The following ADAMTSL1 variants were observed in gnomAD, a reference collection of about 807,000 sequenced individuals.
The protein encoded by ADAMTSL1 is ADAMTS like 1.
Under a neutral mutation model 201.8 loss-of-function variants are expected in ADAMTSL1, and 126 were observed. That is an observed-to-expected ratio of 0.62 (90% CI 0.54 to 0.72). ADAMTSL1 has a LOEUF of 0.72. Among genes scored for constraint, ADAMTSL1 ranks in the 30% least tolerant of loss-of-function variants. ADAMTSL1 has a pLI of 0.00. For synonymous variants in ADAMTSL1, 1,121 were observed against 903.4 expected, an observed-to-expected ratio of 1.24 and a Z score of -4.32; for missense variants, 2,679 against 2,277.8, an observed-to-expected ratio of 1.18 and a Z score of -3.59.
At chr9:18,248,112 T>C (rs564074588) in intron 2 of ADAMTSL1, among the ~76,000 whole-genome samples, 4 of 152,296 alleles carry the variant, frequency 2.6e-5, no homozygotes, top group South Asian at 2.1e-4. Flanking sequence ...CTCAGCTTAA[T>C]TGAATGTAAA....
At chr9:17,977,365 TCAAAAAGA>T (rs2131451298) in intron 1 of ADAMTSL1, among the ~76,000 whole-genome samples, 1 of 152,252 alleles carries the variant, frequency 6.6e-6, no homozygotes. Context: ...AATTCATTCT[TCAAAAAGA>T]TTTTGAGAAG....
chr9:18,099,355 A>T (rs1021695451), intron 1 of ADAMTSL1, among the ~76,000 whole-genome samples: 1,916 of 45,426 alleles, frequency 0.042, 96 homozygotes, highest in Admixed American at 0.082. Flanking sequence ...ATATATATAT[A>T]TTTTTTTTTT....
At chr9:18,439,234 T>C (rs1477695534) in intron 2 of ADAMTSL1, among the ~76,000 whole-genome samples, 1 of 152,190 alleles carries the variant, frequency 6.6e-6, no homozygotes, top group Non-Finnish European at 1.5e-5. Flanking sequence ...TCATTTTCCT[T>C]TCATGTGTTC....
intron 2 of ADAMTSL1, among the ~76,000 whole-genome samples, chr9:18,519,179 G>A (rs1013140226): frequency 5.9e-5 from 9 of 152,206 alleles, no homozygotes; most frequent in Non-Finnish European, 1.2e-4. Flanking sequence ...TAGTCTGGCT[G>A]TGTTATCGTT....
chr9:18,613,986 A>G (rs752079962), intron 4 of ADAMTSL1, among the ~76,000 whole-genome samples: 20 of 152,216 alleles, frequency 1.3e-4, no homozygotes, highest in Admixed American at 1.3e-3. Flanking sequence ...TCAAACGAAG[A>G]CTTCAAAGAG....
At chr9:18,154,634 A>C (rs1262948278) in intron 1 of ADAMTSL1, among the ~76,000 whole-genome samples, 1 of 150,508 alleles carries the variant, frequency 6.6e-6, no homozygotes, top group Non-Finnish European at 1.5e-5. Flanking sequence ...AGAGTAATAC[A>C]TAAATATATT....
intron 1 of ADAMTSL1, among the ~76,000 whole-genome samples, chr9:18,085,605 C>CAG (rs771198489): frequency 1.4e-5 from 2 of 142,676 alleles, no homozygotes; most frequent in Admixed American, 6.8e-5. Flanking sequence ...CGTATATACA[C>CAG]TGTGTGTGTA....
intron 3 of ADAMTSL1, among the ~76,000 whole-genome samples, chr9:18,537,982 G>GGAA (rs1564028232): frequency 7.9e-5 from 11 of 139,146 alleles, no homozygotes; most frequent in Non-Finnish European, 1.4e-4. Context: ...AAGAAGAGGA[G>GGAA]GAAGAGGAAG....
chr9:18,755,817 A>G (rs1209144367), intron 16 of ADAMTSL1, among the ~76,000 whole-genome samples: 2 of 152,028 alleles, frequency 1.3e-5, no homozygotes, highest in African/African-American at 4.8e-5. Flanking sequence ...GTTTAAGTTC[A>G]TTCTTCAGGT....
At chr9:18,359,838 C>CG (rs1197856227) in intron 2 of ADAMTSL1, among the ~76,000 whole-genome samples, 1 of 127,670 alleles carries the variant, frequency 7.8e-6, no homozygotes, top group Non-Finnish European at 1.7e-5. Flanking sequence ...CCCCCCCGCC[C>CG]ACACAAAATG....
At chr9:18,629,545 T>C (rs757082445) in intron 5 of ADAMTSL1, among the ~76,000 whole-genome samples, 16 of 152,164 alleles carry the variant, frequency 1.1e-4, no homozygotes, top group Non-Finnish European at 2.1e-4. Context: ...ATGAATTACA[T>C]TAATTGGTTT....
At chr9:18,190,034 C>T (rs1291798654) in intron 2 of ADAMTSL1, among the ~76,000 whole-genome samples, 1 of 152,156 alleles carries the variant, frequency 6.6e-6, no homozygotes, top group Admixed American at 6.5e-5. Flanking sequence ...TGAGCCTGGT[C>T]AGGTTTCAAA....
intron 1 of ADAMTSL1, among the ~76,000 whole-genome samples, chr9:18,125,120 G>A (rs1489677188): frequency 6.6e-6 from 1 of 152,188 alleles, no homozygotes; most frequent in Non-Finnish European, 1.5e-5. Flanking sequence ...CAATTTACAA[G>A]AGAAAGAGGT....
intron 1 of ADAMTSL1, among the ~76,000 whole-genome samples, chr9:18,021,645 GTTAC>G (rs1372888717): frequency 3.3e-5 from 5 of 152,226 alleles, no homozygotes; most frequent in African/African-American, 1.2e-4. Context: ...TGGAATAAAA[GTTAC>G]TTAGTTATAT....
intron 1 of ADAMTSL1, among the ~76,000 whole-genome samples, chr9:18,013,286 T>C (rs147815762): frequency 3.9e-5 from 6 of 152,170 alleles, no homozygotes; most frequent in African/African-American, 1.4e-4. Flanking sequence ...TAACAGAAAT[T>C]TGACTTCTGC....
At chr9:18,591,963 T>C (rs542502303) in intron 4 of ADAMTSL1, among the ~76,000 whole-genome samples, 2 of 152,284 alleles carry the variant, frequency 1.3e-5, no homozygotes, top group East Asian at 1.9e-4. Context: ...GCCCAATTCA[T>C]TGACTTTTGA....
intron 2 of ADAMTSL1, among the ~76,000 whole-genome samples, chr9:18,509,560 T>A (rs921297370): frequency 6.6e-6 from 1 of 152,212 alleles, no homozygotes; most frequent in Non-Finnish European, 1.5e-5. Flanking sequence ...TGATCTAGAC[T>A]GGCTTCATCT....
At chr9:18,886,186 A>ATATATATATATG (rs1828864072) in intron 23 of ADAMTSL1, among the ~76,000 whole-genome samples, 1 of 129,760 alleles carries the variant, frequency 7.7e-6, no homozygotes. Flanking sequence ...ATATATATAT[A>ATATATATATATG]TATATATATA....
chr9:18,038,093 T>G (rs530286117), intron 1 of ADAMTSL1, among the ~76,000 whole-genome samples: 1 of 152,332 alleles, frequency 6.6e-6, no homozygotes, highest in African/African-American at 2.4e-5. Context: ...TATCCATGGA[T>G]GTCACTGACC....
Sources: allele counts gnomAD v4.1 joint callset (sites outside exome capture counted in the v4.1 genomes callset), GRCh38; gene constraint gnomAD v4.1.1; transcripts MANE v1.5; gene names NCBI Gene and HGNC (gene_info 2026-07-23, HGNC 2026-07-21).